ZNF880: variants seen among roughly 807,000 people sequenced by gnomAD.
ZNF880 encodes zinc finger protein LOC400713.
Under a neutral mutation model 11.8 loss-of-function variants are expected in ZNF880, and 12 were observed. The observed-to-expected ratio is 1.02, with a 90% CI of 0.65 to 1.65. The LOEUF (loss-of-function observed/expected upper bound fraction) is 1.65, where lower values mean the gene tolerates loss of function less well. ZNF880 is among the 40% of genes most tolerant of loss of function. The pLI is 0.00. For missense variants in ZNF880, 601 were observed against 673.9 expected (o/e 0.89, Z 1.20); for synonymous variants, 210 against 232.4 (o/e 0.90, Z 0.88).
At position 52,384,593 on chromosome 19, in the gene ZNF880, G is replaced by T. The variant is rs1298802945; in HGVS notation, c.1013G>T (p.Gly338Val). The T allele has an allele frequency of 6.2e-7, 1 of 1,612,494 alleles. No individual in the cohort carries two copies. Among genetic ancestry groups the T allele is most frequent in the South Asian group, 1.1e-5 (1 of 90,950 alleles). ...ECGKAFSGGS[G>V]LTAHLVIHTG... ...GGCAAAGCATTTTCAGGGGGTTCAG[G>T]CCTTACTGCTCATCTTGTAATTCAC... Residue 338 changes from glycine (G) to valine (V), a missense_variant, in exon 4 of 4, where the codon GGC becomes GTC. Coordinates refer to ENST00000422689, the MANE Select transcript of ZNF880 (RefSeq NM_001145434.2).
the ZNF880 span, among the ~76,000 whole-genome samples, chr19:52,393,389 T>G: frequency 2.0e-5 from 3 of 149,464 alleles, no homozygotes; most frequent in African/African-American, 7.5e-5. Flanking sequence ...CTGTTAGTTT[T>G]GAATGGAAAT....
Position 52,385,081 on chromosome 19 carries a change from T to C in ZNF880, c.1501T>C (p.Phe501Leu), listed in dbSNP as rs771336968. The C allele has an allele frequency of 1.4e-5, 22 of 1,560,772 alleles. No homozygotes were observed. The South Asian group carries it at 2.6e-4, about 18-fold the overall frequency. Reference sequence around the variant, plus strand: ...CAAATGCAGTGAATGTCACAAAGTCTTTAGTCACAATTCACACCTTGCACG... The same window carrying C: ...CAAATGCAGTGAATGTCACAAAGTCCTTAGTCACAATTCACACCTTGCACG... ...PYKCSECHKV[F>L]SHNSHLARHR... Residue 501 changes from phenylalanine (F) to leucine (L), a missense_variant, in exon 4 of 4, where the codon TTT (phenylalanine) becomes CTT (leucine). Coordinates refer to ENST00000422689, the MANE Select transcript of ZNF880 (RefSeq NM_001145434.2).
chr19:52,374,919 G>A (rs1191400540), intron 3 of ZNF880, among the ~76,000 whole-genome samples: 1 of 151,962 alleles, frequency 6.6e-6, no homozygotes, highest in Non-Finnish European at 1.5e-5. Flanking sequence ...AAAATCTTTT[G>A]TGGAGATGAG....
chr19:52,373,301 G>T, intron 2 of ZNF880, 64 bp downstream of exon 2: 1 of 1,533,402 alleles, frequency 6.5e-7, no homozygotes, highest in South Asian at 1.2e-5. Flanking sequence ...TTTGTCGTGT[G>T]CCTCTTAGCA....
At chr19:52,381,366 G>A (rs1193499958) in intron 3 of ZNF880, among the ~76,000 whole-genome samples, 2 of 152,082 alleles carry the variant, frequency 1.3e-5, no homozygotes, top group Admixed American at 6.5e-5. Flanking sequence ...TATGGTTTTT[G>A]AATAAAAGTC....
At chr19:52,382,220 T>C (rs1326604262) in intron 3 of ZNF880, among the ~76,000 whole-genome samples, 1 of 152,010 alleles carries the variant, frequency 6.6e-6, no homozygotes, top group African/African-American at 2.4e-5. Context: ...GAGGTTGCAG[T>C]GGGCCAAGAT....
In ZNF880 at chr19:52,385,421, A is replaced by G; in HGVS notation, c.*107A>G. On this transcript the variant is annotated 3_prime_UTR_variant, in exon 4 of 4. Coordinates refer to ENST00000422689, the MANE Select transcript of ZNF880 (RefSeq NM_001145434.2). Reference sequence around the variant, plus strand: ...CTGAGTATGGCAAACTCTTCATGCTAAGTTCTAGCATTAATCAACATCAGA... The same window carrying G: ...CTGAGTATGGCAAACTCTTCATGCTGAGTTCTAGCATTAATCAACATCAGA... 8.1e-7 allele frequency: 1 copy of G among 1,241,068 alleles called. No homozygotes were observed. Among genetic ancestry groups the G allele is most frequent in the Non-Finnish European group, 1.1e-6 (1 of 901,584 alleles). The allele number at this position is 1,241,068 out of a possible 1,614,324, so 76.9% of individuals were successfully genotyped here.
chr19:52,383,627 T>C (rs1182234902), intron 3 of ZNF880, among the ~76,000 whole-genome samples: 1 of 152,148 alleles, frequency 6.6e-6, no homozygotes, highest in African/African-American at 2.4e-5. Flanking sequence ...GCTCATAATC[T>C]CTCTCAAACT....
the ZNF880 span, among the ~76,000 whole-genome samples, chr19:52,393,878 C>G: frequency 3.5e-5 from 5 of 143,470 alleles, no homozygotes; most frequent in Non-Finnish European, 7.5e-5. Context: ...GCTCTGTCGC[C>G]CAGGCTGGAG....
At chr19:52,373,270 T>C (rs1342338128) in intron 2 of ZNF880, 33 bp downstream of exon 2, 79 of 1,586,642 alleles carry the variant, frequency 5.0e-5, no homozygotes, top group Non-Finnish European at 6.6e-5. Flanking sequence ...AGTCAAGATC[T>C]GCCCTGGTGT....
chr19:52,388,170 G>A (rs1049696160), downstream of ZNF880, among the ~76,000 whole-genome samples: 2 of 151,054 alleles, frequency 1.3e-5, no homozygotes, highest in South Asian at 2.1e-4. Flanking sequence ...GAGCCACTGC[G>A]CCTGGCCCAT....
intron 3 of ZNF880, chr19:52,379,328 A>G (rs1365162626): frequency 2.6e-6 from 1 of 390,364 alleles, no homozygotes; most frequent in African/African-American, 2.1e-5. Context: ...CCTTTACCTG[A>G]TTAAGATATT....
downstream of ZNF880, chr19:52,388,868 C>T (rs1986967580): frequency 6.6e-6 from 1 of 152,192 alleles, no homozygotes; most frequent in Non-Finnish European, 1.5e-5. Flanking sequence ...TTAATGGACT[C>T]ACAGTTTCAC....
chr19:52,395,005 C>A, the ZNF880 span, among the ~76,000 whole-genome samples: 1 of 152,222 alleles, frequency 6.6e-6, no homozygotes, highest in Non-Finnish European at 1.5e-5. Context: ...AGATCCTTAT[C>A]TAGACCACAT....
intron 2 of ZNF880, among the ~76,000 whole-genome samples, chr19:52,374,063 T>C (rs541396040): frequency 2.0e-5 from 3 of 151,886 alleles, no homozygotes; most frequent in Non-Finnish European, 4.4e-5. Flanking sequence ...TATTCTTTCT[T>C]TTTATTATTA....
intron 3 of ZNF880, among the ~76,000 whole-genome samples, chr19:52,376,853 ATTTG>A (rs1021844650): frequency 6.6e-6 from 1 of 151,716 alleles, no homozygotes; most frequent in Non-Finnish European, 1.5e-5. Context: ...TTTCTTGCTG[ATTTG>A]TTTGAGTTCC....
downstream of ZNF880, among the ~76,000 whole-genome samples, chr19:52,388,232 T>A (rs1330211155): frequency 6.7e-6 from 1 of 148,844 alleles, no homozygotes; most frequent in Non-Finnish European, 1.5e-5. Context: ...TTTTGTAGAT[T>A]AACTAGAAAC....
chr19:52,384,512 T>G lies in ZNF880; in HGVS notation c.932T>G (p.Leu311Arg), dbSNP rs183216835. 6.2e-7 allele frequency: 1 copy of G among 1,613,952 alleles called. No individual in the cohort carries two copies. The highest frequency in any genetic ancestry group is 8.5e-7 in the Non-Finnish European group (1 of 1,180,018). The change falls in exon 4 of 4, where the codon CTT (leucine) becomes CGT (arginine). Residue 311 changes from leucine to arginine, a missense_variant. Coordinates refer to ENST00000422689, the MANE Select transcript of ZNF880 (RefSeq NM_001145434.2). ...AAGGTCTTCAACAGAAATGCACACCTTGCACGACATCAGAAAATTCATAGT... is the reference window on the plus strand; with the variant it reads ...AAGGTCTTCAACAGAAATGCACACCGTGCACGACATCAGAAAATTCATAGT... ...CGKVFNRNAH[L>R]ARHQKIHSGE...
chr19:52,377,455 A>G (rs950702250), intron 3 of ZNF880, among the ~76,000 whole-genome samples: 1 of 152,176 alleles, frequency 6.6e-6, no homozygotes, highest in African/African-American at 2.4e-5. Context: ...ATAGTTTTCT[A>G]TGATGCCTTT....
Sources: allele counts gnomAD v4.1 joint callset (sites outside exome capture counted in the v4.1 genomes callset), GRCh38; gene constraint gnomAD v4.1.1; transcripts MANE v1.5; gene names NCBI Gene and HGNC (gene_info 2026-07-23, HGNC 2026-07-21).